The following LRRTM4 variants were observed in gnomAD, a reference collection of about 807,000 sequenced individuals.
LRRTM4 encodes leucine-rich repeat transmembrane neuronal protein 4.
A neutral mutation model predicts 47.6 loss-of-function variants in LRRTM4; 25 were observed. The ratio of observed to expected loss-of-function variants is 0.53; its 90% CI spans 0.38 to 0.73. The LOEUF is 0.73. Ranked by LOEUF, LRRTM4 falls within the 30% of genes least tolerant of loss-of-function variation. The probability of loss-of-function intolerance (pLI) is 0.00; values close to 1 mark genes in which losing one functional copy is unlikely to be tolerated. For missense variants in LRRTM4, 638 were observed against 713.4 expected, an observed-to-expected ratio of 0.89 and a Z score of 1.20; for synonymous variants, 311 against 269.5, an observed-to-expected ratio of 1.15 and a Z score of -1.51.
intron 3 of LRRTM4, among the ~76,000 whole-genome samples, chr2:77,293,554 T>A (rs1343581371): frequency 6.6e-6 from 1 of 152,050 alleles, no homozygotes; most frequent in African/African-American, 2.4e-5. Context: ...TAAGCTAAAG[T>A]CTAAGCTCAT....
chr2:77,237,925 A>G (rs774033712), intron 3 of LRRTM4, among the ~76,000 whole-genome samples: 1 of 152,134 alleles, frequency 6.6e-6, no homozygotes, highest in African/African-American at 2.4e-5. Flanking sequence ...TTCTGGATCC[A>G]GGTTCTTTAT....
At chr2:77,072,816 A>AG (rs1490308823) in intron 3 of LRRTM4, among the ~76,000 whole-genome samples, 1 of 151,518 alleles carries the variant, frequency 6.6e-6, no homozygotes, top group East Asian at 1.9e-4. Context: ...AAAAAAAAAA[A>AG]AAAAAAACAA....
At chr2:76,982,775 T>C (rs1311341575) in intron 3 of LRRTM4, among the ~76,000 whole-genome samples, 2 of 151,864 alleles carry the variant, frequency 1.3e-5, no homozygotes, top group Non-Finnish European at 2.9e-5. Flanking sequence ...TTAAAATAGA[T>C]TTGCAAAAAA....
At chr2:77,007,109 G>T (rs1447436665) in intron 3 of LRRTM4, among the ~76,000 whole-genome samples, 1 of 151,798 alleles carries the variant, frequency 6.6e-6, no homozygotes, top group South Asian at 2.1e-4. Context: ...GACAATAATA[G>T]AAACTCAAGA....
intron 3 of LRRTM4, among the ~76,000 whole-genome samples, chr2:76,752,475 A>AT (rs1295591630): frequency 6.6e-6 from 1 of 152,108 alleles, no homozygotes. Flanking sequence ...GGCTCATGTC[A>AT]TTTTCTCTAT....
intron 3 of LRRTM4, among the ~76,000 whole-genome samples, chr2:77,227,095 G>C (rs769070451): frequency 2.6e-5 from 4 of 151,962 alleles, no homozygotes; most frequent in Non-Finnish European, 4.4e-5. Context: ...TTTCTAGTTT[G>C]CAATGGTAGT....
chr2:77,056,423 C>T (rs1228908200), intron 3 of LRRTM4, among the ~76,000 whole-genome samples: 2 of 151,978 alleles, frequency 1.3e-5, no homozygotes, highest in African/African-American at 4.8e-5. Context: ...AGGGCAACTA[C>T]AAGACTAAGA....
At chr2:77,429,256 A>T (rs1359262510) in intron 3 of LRRTM4, among the ~76,000 whole-genome samples, 1 of 152,186 alleles carries the variant, frequency 6.6e-6, no homozygotes, top group Non-Finnish European at 1.5e-5. Context: ...ATAAGATATA[A>T]TGATCTTATA....
intron 3 of LRRTM4, among the ~76,000 whole-genome samples, chr2:76,949,008 T>C (rs1675413120): frequency 1.3e-5 from 2 of 151,900 alleles, no homozygotes; most frequent in African/African-American, 2.4e-5. Flanking sequence ...AAATGACTGA[T>C]AGATTTAATT....
chr2:76,940,875 T>G (rs1017365186), intron 3 of LRRTM4, among the ~76,000 whole-genome samples: 1 of 151,748 alleles, frequency 6.6e-6, no homozygotes, highest in Non-Finnish European at 1.5e-5. Context: ...GTTTTTCTTC[T>G]CTCTCTTTTC....
chr2:77,001,532 T>C (rs1179274891), intron 3 of LRRTM4, among the ~76,000 whole-genome samples: 1 of 152,128 alleles, frequency 6.6e-6, no homozygotes, highest in Non-Finnish European at 1.5e-5. Context: ...AATACTTCTT[T>C]ATGGATAGAA....
At chr2:77,005,423 G>A (rs539009233) in intron 3 of LRRTM4, among the ~76,000 whole-genome samples, 32 of 152,234 alleles carry the variant, frequency 2.1e-4, no homozygotes, top group Admixed American at 9.2e-4. Context: ...GATTACAGGC[G>A]TGAGCCACCG....
intron 3 of LRRTM4, among the ~76,000 whole-genome samples, chr2:77,243,245 T>G (rs1675320884): frequency 6.6e-6 from 1 of 151,870 alleles, no homozygotes; most frequent in Admixed American, 6.6e-5. Context: ...CCCCCATCTC[T>G]ACTAAAAATA....
At chr2:77,214,110 G>C (rs1250327086) in intron 3 of LRRTM4, among the ~76,000 whole-genome samples, 2 of 152,078 alleles carry the variant, frequency 1.3e-5, no homozygotes, top group Non-Finnish European at 2.9e-5. Flanking sequence ...TGGCAATAAA[G>C]AATTCATTCC....
At chr2:77,148,740 T>A (rs963205942) in intron 3 of LRRTM4, among the ~76,000 whole-genome samples, 1 of 152,180 alleles carries the variant, frequency 6.6e-6, no homozygotes, top group African/African-American at 2.4e-5. Flanking sequence ...ATTTGAGTAG[T>A]TACAGCAGTT....
chr2:77,348,018 C>T (rs1671630594), intron 3 of LRRTM4, among the ~76,000 whole-genome samples: 1 of 82,104 alleles, frequency 1.2e-5, no homozygotes, highest in Non-Finnish European at 2.4e-5. Flanking sequence ...ATTAACAAAA[C>T]ACAAGTACAC....
intron 3 of LRRTM4, among the ~76,000 whole-genome samples, chr2:77,229,560 A>T (rs1674907724): frequency 6.6e-6 from 1 of 152,048 alleles, no homozygotes; most frequent in Non-Finnish European, 1.5e-5. Context: ...CGGCATCCTT[A>T]TTGACCTCTT....
intron 3 of LRRTM4, among the ~76,000 whole-genome samples, chr2:77,154,171 G>C (rs1368262043): frequency 1.3e-5 from 2 of 152,114 alleles, no homozygotes; most frequent in Non-Finnish European, 2.9e-5. Context: ...TTGTGACATT[G>C]GTGAATCCAT....
chr2:77,057,122 T>A (rs1370175563), intron 3 of LRRTM4, among the ~76,000 whole-genome samples: 2 of 152,184 alleles, frequency 1.3e-5, no homozygotes, highest in Admixed American at 6.5e-5. Context: ...ACAGAAAACC[T>A]TTGCTGACCT....
Sources: gnomAD v4.1 joint callset for allele counts (sites outside exome capture counted in the v4.1 genomes callset) on GRCh38, gnomAD v4.1.1 for gene constraint, MANE v1.5 for transcripts, NCBI Gene and HGNC (gene_info 2026-07-23, HGNC 2026-07-21) for gene names.